RABGAP1L: variants seen among roughly 807,000 people sequenced by gnomAD.
The protein encoded by RABGAP1L is rab GTPase-activating protein 1-like.
Under a neutral mutation model 137.7 loss-of-function variants are expected in RABGAP1L, and 63 were observed. That is an observed-to-expected ratio of 0.46 (90% CI 0.37 to 0.56). The LOEUF is 0.56. Among genes scored for constraint, RABGAP1L ranks in the 20% least tolerant of loss-of-function variants. The pLI, the probability that RABGAP1L is intolerant of heterozygous loss-of-function variation, is 0.00. For missense variants in RABGAP1L, 1,095 were observed against 1,244.0 expected (o/e 0.88, Z 1.80); for synonymous variants, 431 against 433.7 (o/e 0.99, Z 0.08).
At chr1:174,933,061 G>A (rs1159399500) in intron 19 of RABGAP1L, among the ~76,000 whole-genome samples, 5 of 151,686 alleles carry the variant, frequency 3.3e-5, no homozygotes, top group Non-Finnish European at 7.4e-5. Context: ...ACAGAACTAG[G>A]GACTAAACAC....
In RABGAP1L at chr1:174,286,122, AT is replaced by A. The variant is rs1198011930; in HGVS notation, c.1323+7351del. On this transcript the variant is annotated intron_variant, in intron 10 of 25. Coordinates refer to ENST00000681986, the MANE Select transcript of RABGAP1L (RefSeq NM_001366446.1). ...GTTTGCAAGTATTTCCTCCTCCTCA[AT>A]TTTTTTTGGAGGAATTTGTGAAGGA... 3.3e-5 allele frequency among the ~76,000 whole-genome samples: 5 copies of A among 151,682 alleles called. No homozygotes were observed. The East Asian group carries it at 9.6e-4, about 29-fold the overall frequency.
chr1:174,320,734 T>G (rs1041380199), intron 11 of RABGAP1L, among the ~76,000 whole-genome samples: 2 of 152,214 alleles, frequency 1.3e-5, no homozygotes, highest in Non-Finnish European at 2.9e-5. Context: ...GGATTTCCTA[T>G]GCCTGTCTTT....
intron 13 of RABGAP1L, among the ~76,000 whole-genome samples, chr1:174,395,578 A>C (rs1647741247): frequency 6.6e-6 from 1 of 152,202 alleles, no homozygotes; most frequent in Non-Finnish European, 1.5e-5. Flanking sequence ...CTTCACACTT[A>C]AAAACCTGGA....
At chr1:174,606,472 A>G (rs183312268) in intron 13 of RABGAP1L, among the ~76,000 whole-genome samples, 1 of 152,270 alleles carries the variant, frequency 6.6e-6, no homozygotes, top group East Asian at 1.9e-4. Context: ...TTTTAAAGCT[A>G]CTTTCTTCTG....
intron 13 of RABGAP1L, among the ~76,000 whole-genome samples, chr1:174,417,799 G>C (rs150564954): frequency 1.3e-5 from 2 of 152,198 alleles, no homozygotes; most frequent in Non-Finnish European, 2.9e-5. Flanking sequence ...TAATATTACA[G>C]TTAACATAGA....
chr1:174,738,947 G>A (rs1683171444), intron 17 of RABGAP1L, among the ~76,000 whole-genome samples: 1 of 152,022 alleles, frequency 6.6e-6, no homozygotes, highest in African/African-American at 2.4e-5. Context: ...CTTTTAAATT[G>A]TTTTTGTTTT....
chr1:174,266,928 A>G (rs937048116), intron 7 of RABGAP1L, among the ~76,000 whole-genome samples: 1 of 152,208 alleles, frequency 6.6e-6, no homozygotes, highest in African/African-American at 2.4e-5. Flanking sequence ...TGAAGACAGA[A>G]TGAGACCTAG....
At chr1:174,525,895 G>C (rs1663832113) in intron 13 of RABGAP1L, among the ~76,000 whole-genome samples, 1 of 152,026 alleles carries the variant, frequency 6.6e-6, no homozygotes, top group African/African-American at 2.4e-5. Flanking sequence ...ATGATCGTAT[G>C]GTTTTTGTCT....
intron 12 of RABGAP1L, among the ~76,000 whole-genome samples, chr1:174,388,953 T>C (rs1044709158): frequency 6.6e-6 from 1 of 152,018 alleles, no homozygotes; most frequent in Admixed American, 6.6e-5. Context: ...TTGGTGACTT[T>C]TCAGTGGTCA....
chr1:174,181,536 A>G (rs1358907100), intron 1 of RABGAP1L, among the ~76,000 whole-genome samples: 1 of 151,876 alleles, frequency 6.6e-6, no homozygotes, highest in Non-Finnish European at 1.5e-5. Context: ...ATGGGGTTTC[A>G]CCGTGTTAGC....
chr1:174,512,772 A>G (rs554583673), intron 13 of RABGAP1L, among the ~76,000 whole-genome samples: 28 of 152,308 alleles, frequency 1.8e-4, no homozygotes, highest in East Asian at 3.9e-4. Flanking sequence ...TATGACAAGC[A>G]TGTTAAATGT....
intron 13 of RABGAP1L, among the ~76,000 whole-genome samples, chr1:174,632,367 T>C (rs1673474342): frequency 1.4e-5 from 2 of 146,420 alleles, no homozygotes; most frequent in African/African-American, 5.3e-5. Context: ...GAGAATTATG[T>C]GTCTTGGAGT....
intron 13 of RABGAP1L, among the ~76,000 whole-genome samples, chr1:174,509,826 A>G (rs907186841): frequency 6.6e-6 from 1 of 152,216 alleles, no homozygotes; most frequent in Admixed American, 6.5e-5. Flanking sequence ...ACCTCAGTTC[A>G]TGACACCATC....
chr1:174,172,573 G>C (rs540184828), intron 1 of RABGAP1L, among the ~76,000 whole-genome samples: 1 of 152,106 alleles, frequency 6.6e-6, no homozygotes, highest in Non-Finnish European at 1.5e-5. Context: ...TTGTGGTTTC[G>C]ATTTGCTTTT....
At chr1:174,621,124 T>TA (rs1260785721) in intron 13 of RABGAP1L, among the ~76,000 whole-genome samples, 2 of 151,952 alleles carry the variant, frequency 1.3e-5, no homozygotes, top group Non-Finnish European at 2.9e-5. Flanking sequence ...GAGAATAAAA[T>TA]ACCTAGGAAT....
At chr1:174,165,289 A>G (rs530928300) in intron 1 of RABGAP1L, among the ~76,000 whole-genome samples, 3 of 152,202 alleles carry the variant, frequency 2.0e-5, no homozygotes, top group Non-Finnish European at 2.9e-5. Flanking sequence ...AGCTGGGATT[A>G]CAGGCGCCAA....
At chr1:174,886,640 A>C (rs1655199016) in intron 19 of RABGAP1L, among the ~76,000 whole-genome samples, 1 of 152,272 alleles carries the variant, frequency 6.6e-6, no homozygotes. Context: ...TAAGGCCTTT[A>C]ATGCTCTTTG....
At chr1:174,489,986 CT>C (rs1180699422) in intron 13 of RABGAP1L, among the ~76,000 whole-genome samples, 1 of 152,004 alleles carries the variant, frequency 6.6e-6, no homozygotes. Flanking sequence ...AATTCCTTCT[CT>C]GAGTTATCTT....
intron 10 of RABGAP1L, among the ~76,000 whole-genome samples, chr1:174,282,800 A>T (rs1488032538): frequency 6.6e-6 from 1 of 152,200 alleles, no homozygotes; most frequent in Non-Finnish European, 1.5e-5. Context: ...GCTTGAGGTC[A>T]TCTTCCCACA....
Sources: allele counts gnomAD v4.1 joint callset (sites outside exome capture counted in the v4.1 genomes callset), GRCh38; gene constraint gnomAD v4.1.1; transcripts MANE v1.5; gene names NCBI Gene and HGNC (gene_info 2026-07-23, HGNC 2026-07-21).